CCDC93: variants seen among roughly 807,000 people sequenced by gnomAD.
The protein encoded by CCDC93 is CCC complex scaffolding subunit CCDC93, also known as coiled-coil domain-containing protein 93.
In CCDC93, 61 loss-of-function variants were observed where a neutral mutation model predicts 108.2. The ratio of observed to expected loss-of-function variants is 0.56; its 90% CI spans 0.46 to 0.70. The LOEUF is 0.70. CCDC93 is among the 30% of genes least tolerant of loss of function. CCDC93 has a pLI of 0.00. For synonymous variants in CCDC93, 276 were observed against 260.4 expected (o/e 1.06, Z -0.58); for missense variants, 685 against 764.2 (o/e 0.90, Z 1.22).
intron 10 of CCDC93, 115 bp from the exon 11 acceptor site, chr2:117,974,109 C>G: frequency 1.3e-6 from 1 of 758,894 alleles, no homozygotes; most frequent in Non-Finnish European, 2.3e-6. Context: ...ATAATATTCC[C>G]AGGGGAAATA....
intron 15 of CCDC93, among the ~76,000 whole-genome samples, chr2:117,947,881 A>G (rs1030418994): frequency 2.0e-5 from 3 of 152,036 alleles, no homozygotes; most frequent in Non-Finnish European, 4.4e-5. Flanking sequence ...TTTTTAGTAG[A>G]GACGGGGTTT....
In CCDC93 at chr2:118,007,116, GCTGA is replaced by G. The variant is rs1399294083; in HGVS notation, c.157-304_157-301del. ...GAAATGTGGCTGGCATGACTGAGGA[GCTGA>G]CTTTTATTATTAAATGAACATACTG... is the stretch of plus-strand genomic sequence containing the variant. On this transcript the variant is annotated intron_variant, in intron 2 of 23. Transcript: ENST00000376300. Among the ~76,000 whole-genome samples the G allele has an allele frequency of 8.5e-5, 13 of 152,308 alleles. No homozygotes were observed. In the East Asian group the frequency reaches 2.5e-3, roughly 29 times the overall value.
chr2:117,921,418 C>T (rs1437547944), intron 23 of CCDC93, among the ~76,000 whole-genome samples: 2 of 152,088 alleles, frequency 1.3e-5, no homozygotes, highest in Non-Finnish European at 2.9e-5. Flanking sequence ...CATGATACCT[C>T]CATCTGCTAG....
intron 23 of CCDC93, among the ~76,000 whole-genome samples, chr2:117,926,346 G>T (rs536612917): frequency 1.3e-5 from 2 of 151,994 alleles, no homozygotes; most frequent in African/African-American, 4.8e-5. Context: ...TTTTTGAAAA[G>T]ATCAACAAAA....
intron 6 of CCDC93, among the ~76,000 whole-genome samples, chr2:117,994,350 C>A (rs1158762439): frequency 3.3e-5 from 5 of 152,078 alleles, no homozygotes; most frequent in Non-Finnish European, 5.9e-5. Context: ...ATACTGCCAC[C>A]AAATCTGAAA....
intron 7 of CCDC93, among the ~76,000 whole-genome samples, chr2:117,980,630 T>C (rs190176609): frequency 7.5e-4 from 114 of 152,346 alleles, no homozygotes; most frequent in Non-Finnish European, 1.4e-3. Context: ...CCGCTAAGCC[T>C]TTCTGTTGAG....
At chr2:117,968,627 T>C (rs913556737) in intron 11 of CCDC93, among the ~76,000 whole-genome samples, 1 of 152,250 alleles carries the variant, frequency 6.6e-6, no homozygotes, top group Non-Finnish European at 1.5e-5. Flanking sequence ...TTGTGAACTT[T>C]ACCAGTAAAA....
chr2:117,974,704 T>C, intron 10 of CCDC93, 146 bp downstream of exon 10: 2 of 645,158 alleles, frequency 3.1e-6, no homozygotes, highest in South Asian at 1.9e-5. Context: ...TAAAAACAGA[T>C]TAACAAAAGG....
At chr2:117,993,390 T>C (rs1239214385) in intron 6 of CCDC93, among the ~76,000 whole-genome samples, 1 of 135,774 alleles carries the variant, frequency 7.4e-6, no homozygotes, top group African/African-American at 2.7e-5. Context: ...CGAGACTCCG[T>C]CTCAAAAAAA....
chr2:118,005,840 A>C (rs1364978222), intron 3 of CCDC93, among the ~76,000 whole-genome samples: 1 of 152,202 alleles, frequency 6.6e-6, no homozygotes, highest in Non-Finnish European at 1.5e-5. Context: ...GGCAATTAGA[A>C]ACTTACAGGG....
At chr2:117,994,157 T>C (rs903555827) in intron 6 of CCDC93, among the ~76,000 whole-genome samples, 13 of 152,208 alleles carry the variant, frequency 8.5e-5, no homozygotes, top group Admixed American at 7.2e-4. Context: ...AAGAAATATG[T>C]CCAAAAATTA....
At chr2:118,013,201 A>G (rs1427942369) in intron 1 of CCDC93, among the ~76,000 whole-genome samples, 5 of 152,224 alleles carry the variant, frequency 3.3e-5, no homozygotes, top group Non-Finnish European at 7.3e-5. Flanking sequence ...AAATCCGCAA[A>G]CCACTCATGA....
At chr2:118,004,798 C>T (rs1202198162) in intron 3 of CCDC93, among the ~76,000 whole-genome samples, 1 of 152,202 alleles carries the variant, frequency 6.6e-6, no homozygotes, top group Non-Finnish European at 1.5e-5. Flanking sequence ...AAGAGACACA[C>T]ATCAAGCACT....
At chr2:117,983,024 C>T (rs1262136128) in intron 7 of CCDC93, among the ~76,000 whole-genome samples, 1 of 152,140 alleles carries the variant, frequency 6.6e-6, no homozygotes, top group East Asian at 1.9e-4. Flanking sequence ...CATGTTAGAA[C>T]AGGGTTTTTT....
At chr2:117,994,122 T>G (rs1015671085) in intron 6 of CCDC93, among the ~76,000 whole-genome samples, 2 of 152,224 alleles carry the variant, frequency 1.3e-5, no homozygotes, top group African/African-American at 4.8e-5. Context: ...CCAATTCAGT[T>G]TAAAAATGCA....
chr2:118,004,687 AAAG>A lies in CCDC93; in HGVS notation c.251+2032_251+2034del, dbSNP rs375582953. Among the ~76,000 whole-genome samples the A allele has an allele frequency of 1.9e-3, 293 of 152,328 alleles. 2 individuals are homozygous for A. Among genetic ancestry groups the A allele is most frequent in the African/African-American group, 6.9e-3 (286 of 41,566 alleles). ...CTGTAACATGTCTTCTACAGATAAT[AAAG>A]AATGAGCTACCTGATGCACTGCTGA... On this transcript the variant is annotated intron_variant, in intron 3 of 23. Transcript: ENST00000376300.
Position 117,973,636 on chromosome 2 carries a change from C to T in CCDC93, c.888+272G>A, listed in dbSNP as rs116034920. Among the ~76,000 whole-genome samples, 527 of 152,220 alleles carry T rather than the reference C, an allele frequency of 3.5e-3. 4 individuals carry two copies. Among genetic ancestry groups the T allele is most frequent in the African/African-American group, 0.011 (471 of 41,542 alleles). On this transcript the variant is annotated intron_variant, in intron 11 of 23. Transcript: ENST00000376300. ...AAAATGCTCATCCCATACCCTCAGGCATGAATTTATCAAATGTGATAACTG... is the reference window on the plus strand; with the variant it reads ...AAAATGCTCATCCCATACCCTCAGGTATGAATTTATCAAATGTGATAACTG...
At chr2:117,921,463 C>A (rs988891904) in intron 23 of CCDC93, among the ~76,000 whole-genome samples, 1 of 152,156 alleles carries the variant, frequency 6.6e-6, no homozygotes, top group Non-Finnish European at 1.5e-5. Flanking sequence ...ATTCTCTGGG[C>A]AGGGTCACAA....
intron 13 of CCDC93, chr2:117,950,828 A>AG: frequency 1.0e-6 from 1 of 985,412 alleles, no homozygotes; most frequent in Non-Finnish European, 1.2e-6. Context: ...GCTCCCAGAG[A>AG]GGGCTCTGAT....
Sources: allele counts gnomAD v4.1 joint callset (sites outside exome capture counted in the v4.1 genomes callset), GRCh38; gene constraint gnomAD v4.1.1; transcripts MANE v1.5; gene names NCBI Gene and HGNC (gene_info 2026-07-23, HGNC 2026-07-21).